The following SPOCK1 variants were observed in gnomAD, a reference collection of about 807,000 sequenced individuals.
The protein encoded by SPOCK1 is SPARC (osteonectin), cwcv and kazal like domains proteoglycan 1, also known as testican-1.
Under a neutral mutation model 55.3 loss-of-function variants are expected in SPOCK1, and 23 were observed. That is an observed-to-expected ratio of 0.42 (90% CI 0.30 to 0.59). The LOEUF (loss-of-function observed/expected upper bound fraction) is 0.59, where lower values mean the gene tolerates loss of function less well. Among genes scored for constraint, SPOCK1 ranks in the 20% least tolerant of loss-of-function variants. The pLI is 0.22. For synonymous variants in SPOCK1, 226 were observed against 221.0 expected, an observed-to-expected ratio of 1.02 and a Z score of -0.20; for missense variants, 499 against 552.5, an observed-to-expected ratio of 0.90 and a Z score of 0.97.
chr5:137,314,440 A>G (rs976001982), intron 2 of SPOCK1, among the ~76,000 whole-genome samples: 1 of 152,212 alleles, frequency 6.6e-6, no homozygotes. Flanking sequence ...GACTTGGCAC[A>G]TAACAAACCT....
chr5:137,188,232 C>T (rs1451461712), intron 3 of SPOCK1, among the ~76,000 whole-genome samples: 2 of 152,220 alleles, frequency 1.3e-5, no homozygotes, highest in Non-Finnish European at 2.9e-5. Context: ...TTGCTCCAGC[C>T]ACACGTGGCC....
At chr5:137,285,527 A>G (rs1373878698) in intron 2 of SPOCK1, among the ~76,000 whole-genome samples, 1 of 152,226 alleles carries the variant, frequency 6.6e-6, no homozygotes, top group African/African-American at 2.4e-5. Flanking sequence ...AGACCGTCAG[A>G]AAAATGGCCC....
At chr5:137,198,912 T>C (rs1406089673) in intron 3 of SPOCK1, among the ~76,000 whole-genome samples, 2 of 152,254 alleles carry the variant, frequency 1.3e-5, no homozygotes, top group Non-Finnish European at 2.9e-5. Context: ...TAGCATGGAA[T>C]GCTACGTTAA....
At chr5:137,034,815 G>A (rs188143405) in intron 6 of SPOCK1, among the ~76,000 whole-genome samples, 3 of 152,320 alleles carry the variant, frequency 2.0e-5, no homozygotes, top group East Asian at 3.9e-4. Context: ...ATGTGGCACT[G>A]GGGCCAGGCT....
At chr5:137,410,716 G>A (rs1407259706) in intron 2 of SPOCK1, among the ~76,000 whole-genome samples, 1 of 152,212 alleles carries the variant, frequency 6.6e-6, no homozygotes, top group Non-Finnish European at 1.5e-5. Flanking sequence ...GTGAGCATGA[G>A]CTCGAGTTCA....
intron 6 of SPOCK1, among the ~76,000 whole-genome samples, chr5:137,031,986 C>T (rs574653480): frequency 2.4e-4 from 35 of 147,966 alleles, no homozygotes; most frequent in South Asian, 1.3e-3. Flanking sequence ...TATACACACA[C>T]GCATATACAT....
intron 2 of SPOCK1, among the ~76,000 whole-genome samples, chr5:137,406,417 G>A (rs1166192728): frequency 6.6e-6 from 1 of 152,210 alleles, no homozygotes; most frequent in Non-Finnish European, 1.5e-5. Context: ...GGGCCTGGGG[G>A]TCTGGGCAGA....
At chr5:137,256,391 T>C (rs79724456) in intron 3 of SPOCK1, among the ~76,000 whole-genome samples, 4,907 of 152,312 alleles carry the variant, frequency 0.032, 98 homozygotes, top group Non-Finnish European at 0.046. Context: ...ATTTGGCTTA[T>C]GGTTCTGGAG....
chr5:137,221,544 C>T (rs888782764), intron 3 of SPOCK1, among the ~76,000 whole-genome samples: 1 of 151,892 alleles, frequency 6.6e-6, no homozygotes, highest in African/African-American at 2.4e-5. Flanking sequence ...TAACCGAGAC[C>T]TTTACACAAC....
intron 3 of SPOCK1, among the ~76,000 whole-genome samples, chr5:137,171,771 C>T (rs1754758813): frequency 6.6e-6 from 1 of 152,188 alleles, no homozygotes; most frequent in Non-Finnish European, 1.5e-5. Context: ...CCACAACTAA[C>T]AATTCCTACA....
intron 2 of SPOCK1, among the ~76,000 whole-genome samples, chr5:137,494,179 T>C (rs1754248672): frequency 6.6e-6 from 1 of 152,218 alleles, no homozygotes. Context: ...ATTATTTTAA[T>C]CAAATCAGAA....
At chr5:137,366,134 T>C (rs548579439) in intron 2 of SPOCK1, among the ~76,000 whole-genome samples, 1 of 152,250 alleles carries the variant, frequency 6.6e-6, no homozygotes, top group East Asian at 1.9e-4. Flanking sequence ...AAATCTGGGA[T>C]TTTTGCACTT....
Position 137,407,748 on chromosome 5 carries a change from C to T in SPOCK1, c.186+90625G>A, listed in dbSNP as rs143204908. 3.9e-5 allele frequency among the ~76,000 whole-genome samples: 6 copies of T among 152,304 alleles called. No homozygotes were observed. The East Asian group carries it at 1.2e-3, about 29-fold the overall frequency. On this transcript the variant is annotated intron_variant, in intron 2 of 10. Coordinates refer to ENST00000394945, the MANE Select transcript of SPOCK1 (RefSeq NM_004598.4). ...CAAAACAGAACCTCAAGTCTTTCTG[C>T]TCTGTAAGAAAACACAAGCCACTGC...
intron 3 of SPOCK1, among the ~76,000 whole-genome samples, chr5:137,217,540 G>A (rs1295235668): frequency 6.6e-6 from 1 of 152,204 alleles, no homozygotes; most frequent in Admixed American, 6.5e-5. Context: ...CTTCAGGGAT[G>A]GGATGTAACA....
At chr5:137,455,332 G>A (rs552905891) in intron 2 of SPOCK1, among the ~76,000 whole-genome samples, 195 of 152,290 alleles carry the variant, frequency 1.3e-3, no homozygotes, top group South Asian at 7.5e-3. Flanking sequence ...AACTCATCAA[G>A]AAGGAAAGAT....
intron 2 of SPOCK1, among the ~76,000 whole-genome samples, chr5:137,372,804 G>T (rs1429291716): frequency 1.3e-5 from 2 of 152,162 alleles, no homozygotes; most frequent in Non-Finnish European, 2.9e-5. Context: ...CAAGCACCAG[G>T]CAAAAAAAGC....
At chr5:137,322,085 G>A (rs1225751288) in intron 2 of SPOCK1, among the ~76,000 whole-genome samples, 1 of 151,996 alleles carries the variant, frequency 6.6e-6, no homozygotes, top group Non-Finnish European at 1.5e-5. Context: ...GCATATATAA[G>A]TATTAAGCTC....
At chr5:137,255,481 T>C (rs13166652) in intron 3 of SPOCK1, among the ~76,000 whole-genome samples, 16,272 of 152,286 alleles carry the variant, frequency 0.11, 1,024 homozygotes, top group Admixed American at 0.16. Context: ...TACTCAAATG[T>C]TTTCATCTAT....
intron 3 of SPOCK1, among the ~76,000 whole-genome samples, chr5:137,145,919 G>C (rs1252036112): frequency 6.6e-6 from 1 of 152,192 alleles, no homozygotes; most frequent in African/African-American, 2.4e-5. Flanking sequence ...GCAGCAGTTG[G>C]AGCAAGCCGG....
Sources: allele counts gnomAD v4.1 joint callset (sites outside exome capture counted in the v4.1 genomes callset), GRCh38; gene constraint gnomAD v4.1.1; transcripts MANE v1.5; gene names NCBI Gene and HGNC (gene_info 2026-07-23, HGNC 2026-07-21).